Variants in EVI5 observed in about 807,000 individuals in gnomAD.
EVI5 encodes the protein ecotropic viral integration site 5.
A neutral mutation model predicts 112.0 loss-of-function variants in EVI5; 73 were observed. That is an observed-to-expected ratio of 0.65 (90% CI 0.54 to 0.79). The LOEUF is 0.79. Ranked by LOEUF, EVI5 falls within the 30% of genes least tolerant of loss-of-function variation. EVI5 has a pLI of 0.00. For synonymous variants in EVI5, 305 were observed against 319.9 expected, an observed-to-expected ratio of 0.95 and a Z score of 0.50; for missense variants, 900 against 968.8, an observed-to-expected ratio of 0.93 and a Z score of 0.94.
chr1:92,615,424 T>G (rs1652906431), intron 16 of EVI5, among the ~76,000 whole-genome samples: 1 of 152,160 alleles, frequency 6.6e-6, no homozygotes, highest in Non-Finnish European at 1.5e-5. Context: ...GAAAGATGCA[T>G]GCACAGCCTT....
chr1:92,572,495 A>C (rs887046342), intron 18 of EVI5, among the ~76,000 whole-genome samples: 1 of 152,134 alleles, frequency 6.6e-6, no homozygotes, highest in African/African-American at 2.4e-5. Context: ...ACTGGTCTAC[A>C]CTGCACTTCA....
intron 14 of EVI5, among the ~76,000 whole-genome samples, chr1:92,635,183 G>C (rs1010972777): frequency 1.3e-5 from 2 of 152,198 alleles, no homozygotes; most frequent in Non-Finnish European, 2.9e-5. Flanking sequence ...TGCGTGCTGG[G>C]AGAACCACTA....
At chr1:92,678,133 C>T (rs1219751914) in intron 9 of EVI5, among the ~76,000 whole-genome samples, 2 of 152,146 alleles carry the variant, frequency 1.3e-5, no homozygotes, top group Non-Finnish European at 2.9e-5. Context: ...TGGGATCATT[C>T]ATATCTCAAA....
intron 1 of EVI5, among the ~76,000 whole-genome samples, chr1:92,758,547 G>A (rs1358329353): frequency 2.1e-5 from 3 of 142,784 alleles, no homozygotes; most frequent in Non-Finnish European, 4.5e-5. Flanking sequence ...TCCAGCCTGG[G>A]TGACAGGGCA....
At chr1:92,672,859 T>C (rs1333873374) in intron 10 of EVI5, among the ~76,000 whole-genome samples, 1 of 152,160 alleles carries the variant, frequency 6.6e-6, no homozygotes, top group Admixed American at 6.5e-5. Flanking sequence ...CACAAATATA[T>C]CAAAGTCTCT....
chr1:92,543,857 A>G (rs1456654469), intron 19 of EVI5, among the ~76,000 whole-genome samples: 4 of 152,244 alleles, frequency 2.6e-5, no homozygotes, highest in Non-Finnish European at 2.9e-5. Flanking sequence ...GACTTGCTCA[A>G]TGCAGGATTG....
intron 16 of EVI5, among the ~76,000 whole-genome samples, chr1:92,611,010 G>C (rs1651649682): frequency 6.6e-6 from 1 of 151,824 alleles, no homozygotes; most frequent in Non-Finnish European, 1.5e-5. Context: ...TGACGAGTTA[G>C]TGGGTGCAGC....
rs1325392854 is a variant in EVI5 at position 92,582,028 on chromosome 1, T to C, written c.2071-18291A>G. 2.6e-5 allele frequency among the ~76,000 whole-genome samples: 4 copies of C among 152,284 alleles called. No homozygotes were observed. In the East Asian group the frequency reaches 7.7e-4, roughly 29 times the overall value. On this transcript the variant is annotated intron_variant, in intron 18 of 19. Coordinates refer to ENST00000684568, the MANE Select transcript of EVI5 (RefSeq NM_001350197.2). ...TTCTGAGAAATGTGTTGTTAGGGGATTTCATCGTTGTGTGAACACCGTAGG... is the reference window on the plus strand; with the variant it reads ...TTCTGAGAAATGTGTTGTTAGGGGACTTCATCGTTGTGTGAACACCGTAGG...
chr1:92,734,542 C>G (rs539871014), intron 2 of EVI5, among the ~76,000 whole-genome samples: 1 of 152,238 alleles, frequency 6.6e-6, no homozygotes, highest in Non-Finnish European at 1.5e-5. Context: ...ATGATCTCCG[C>G]TCACTGCAAG....
At chr1:92,626,063 A>C (rs981092964) in intron 14 of EVI5, 129 bp from the exon 15 acceptor site, 2 of 584,516 alleles carry the variant, frequency 3.4e-6, no homozygotes, top group Admixed American at 3.1e-5. Flanking sequence ...TATAATTCAC[A>C]AACTATGAAA....
Position 92,513,664 on chromosome 1 carries a change from T to C in EVI5, c.2473A>G (p.Thr825Ala). 6.2e-7 allele frequency: 1 copy of C among 1,600,434 alleles called. No homozygotes were observed. Among genetic ancestry groups the C allele is most frequent in the Non-Finnish European group, 8.5e-7 (1 of 1,171,684 alleles). Reference protein sequence around the residue: ...PPRRRESYSTTV With the variant: ...PPRRRESYSTAV Reference sequence around the variant, plus strand: ...CTAGGTCACAGTGATGGTCAGACAGTGGTTGAATACGACTCTCTTCTTCTC... The same window carrying C: ...CTAGGTCACAGTGATGGTCAGACAGCGGTTGAATACGACTCTCTTCTTCTC... Residue 825 changes from threonine (T) to alanine (A), a missense_variant, in exon 20 of 20, where the codon ACT (threonine) becomes GCT (alanine). Thr to Ala is a moderately conservative substitution (Grantham distance 58). Coordinates refer to ENST00000684568, the MANE Select transcript of EVI5 (RefSeq NM_001350197.2).
intron 1 of EVI5, among the ~76,000 whole-genome samples, chr1:92,766,313 T>A (rs1021687311): frequency 6.6e-6 from 1 of 151,544 alleles, no homozygotes; most frequent in African/African-American, 2.4e-5. Flanking sequence ...TTTGTTTTTT[T>A]AAAAAAAGGA....
At chr1:92,653,822 G>GA (rs1312904648) in intron 13 of EVI5, among the ~76,000 whole-genome samples, 3 of 152,260 alleles carry the variant, frequency 2.0e-5, no homozygotes, top group Admixed American at 2.0e-4. Flanking sequence ...CCAAGGGGCA[G>GA]TCATCTTTTA....
chr1:92,606,911 C>CAT, intron 17 of EVI5, among the ~76,000 whole-genome samples: 1 of 101,006 alleles, frequency 9.9e-6, no homozygotes, highest in Non-Finnish European at 2.1e-5. Context: ...CACACACACA[C>CAT]ACACACACAC....
At chr1:92,779,234 A>C (rs932492256) in intron 1 of EVI5, among the ~76,000 whole-genome samples, 2 of 152,104 alleles carry the variant, frequency 1.3e-5, no homozygotes, top group African/African-American at 4.8e-5. Flanking sequence ...AAGGAAAAGA[A>C]GGTCTAGGCC....
rs776709401 is a variant in EVI5 at position 92,625,793 on chromosome 1, C to T, written c.1668+1G>A. The T allele has an allele frequency of 9.9e-6, 16 of 1,610,116 alleles. No individual in the cohort carries two copies. The highest frequency in any genetic ancestry group is 1.7e-5 in the Admixed American group (1 of 59,074). On this transcript the variant is annotated splice_donor_variant, in intron 15 of 19. Coordinates refer to ENST00000684568, the MANE Select transcript of EVI5 (RefSeq NM_001350197.2). LOFTEE classifies it high-confidence loss of function. ...AAAGCACACAAAATATATTAATATACCTGCCAGTGTTCCTCTAAATCCTTG... is the reference window on the plus strand; with the variant it reads ...AAAGCACACAAAATATATTAATATATCTGCCAGTGTTCCTCTAAATCCTTG...
At chr1:92,763,455 C>T (rs1207791785) in intron 1 of EVI5, among the ~76,000 whole-genome samples, 1 of 151,408 alleles carries the variant, frequency 6.6e-6, no homozygotes, top group Non-Finnish European at 1.5e-5. Context: ...CTAGTGCTTT[C>T]GGAGGCCAAA....
In EVI5 at chr1:92,747,721, A is replaced by C. The variant is rs939497074; in HGVS notation, c.-81-11094T>G. Among the ~76,000 whole-genome samples, 9 of 149,406 alleles carry C rather than the reference A, an allele frequency of 6.0e-5. 1 individual carries two copies. The highest frequency in any genetic ancestry group is 2.2e-4 in the African/African-American group (9 of 40,800). ...AGAGCCAGACTCCATCTCACCAAAA[A>C]AAAAAACAAAAAAAAAAACCACCCA... On this transcript the variant is annotated intron_variant, in intron 1 of 19. Coordinates refer to ENST00000684568, the MANE Select transcript of EVI5 (RefSeq NM_001350197.2).
At chr1:92,656,486 TAGAAAAACA>T (rs2102106604) in intron 13 of EVI5, among the ~76,000 whole-genome samples, 1 of 150,802 alleles carries the variant, frequency 6.6e-6, no homozygotes, top group East Asian at 1.9e-4. Flanking sequence ...CCTCAAGAAC[TAGAAAAACA>T]AGAACCTAAA....
Sources: gnomAD v4.1 joint callset for allele counts (sites outside exome capture counted in the v4.1 genomes callset) on GRCh38, gnomAD v4.1.1 for gene constraint, MANE v1.5 for transcripts, NCBI Gene and HGNC (gene_info 2026-07-23, HGNC 2026-07-21) for gene names.